Variants in CDH18 observed in about 807,000 individuals in gnomAD.
CDH18 encodes the protein cadherin-18.
In CDH18, 31 loss-of-function variants were observed where a neutral mutation model predicts 67.9. That is an observed-to-expected ratio of 0.46 (90% CI 0.34 to 0.62). The LOEUF is 0.62. CDH18 is among the 20% of genes least tolerant of loss of function. CDH18 has a pLI of 0.01. For synonymous variants in CDH18, 362 were observed against 347.2 expected (o/e 1.04, Z -0.48); for missense variants, 890 against 975.5 (o/e 0.91, Z 1.17).
chr5:20,117,972 G>A (rs1477658647), intron 2 of CDH18, among the ~76,000 whole-genome samples: 1 of 152,160 alleles, frequency 6.6e-6, no homozygotes, highest in African/African-American at 2.4e-5. Flanking sequence ...CTATCATAAG[G>A]CCACAGGAGG....
intron 5 of CDH18, among the ~76,000 whole-genome samples, chr5:19,654,161 T>G (rs550813387): frequency 6.6e-6 from 1 of 152,164 alleles, no homozygotes; most frequent in Non-Finnish European, 1.5e-5. Flanking sequence ...CGTACAGCCC[T>G]GTAACAGAGA....
intron 1 of CDH18, among the ~76,000 whole-genome samples, chr5:20,493,861 TC>T (rs1013106681): frequency 6.6e-6 from 1 of 152,000 alleles, no homozygotes; most frequent in Non-Finnish European, 1.5e-5. Flanking sequence ...TGGTGTTACA[TC>T]GGGTCTGACT....
At chr5:20,172,223 T>TATATATACATATATATATATATAC (rs1554098639) in intron 2 of CDH18, among the ~76,000 whole-genome samples, 1 of 43,924 alleles carries the variant, frequency 2.3e-5, no homozygotes, top group Non-Finnish European at 4.0e-5. Context: ...TATATATATA[T>TATATATACATATATATATATATAC]GTATATATAT....
chr5:20,095,392 GAAGAAAGAAAGAAAGA>G lies in CDH18; in HGVS notation c.-517-103394_-517-103379del, dbSNP rs746033336. Among the ~76,000 whole-genome samples, 233 of 64,200 alleles carry G rather than the reference GAAGAAAGAAAGAAAGA, an allele frequency of 3.6e-3. 2 individuals are homozygous for G. Among genetic ancestry groups the G allele is most frequent in the East Asian group, 0.012 (28 of 2,330 alleles). 42.1% of individuals were successfully genotyped at this position (64,200 alleles called of 152,430 possible). ...AGAAGAAAGAAAGAAAAGAGAAACA[GAAGAAAGAAAGAAAGA>G]AAGAAAGAAAGAAAGAAAGAAAGAA... On this transcript the variant is annotated intron_variant, in intron 2 of 14. Coordinates refer to the CDH18 transcript ENST00000507958.
chr5:20,131,594 T>A (rs1749269882), intron 2 of CDH18, among the ~76,000 whole-genome samples: 2 of 152,172 alleles, frequency 1.3e-5, no homozygotes, highest in Non-Finnish European at 1.5e-5. Context: ...TACATTTGTG[T>A]GTCTGTATGA....
chr5:19,527,981 TC>T (rs1748006731), intron 9 of CDH18, among the ~76,000 whole-genome samples: 1 of 151,904 alleles, frequency 6.6e-6, no homozygotes, highest in East Asian at 1.9e-4. Flanking sequence ...AACACTTTGT[TC>T]CGTTAACCAG....
chr5:19,578,425 C>T (rs1273782230), intron 7 of CDH18, among the ~76,000 whole-genome samples: 1 of 151,904 alleles, frequency 6.6e-6, no homozygotes, highest in Admixed American at 6.6e-5. Context: ...TAGCAACCTT[C>T]CCTCGAAATC....
intron 2 of CDH18, among the ~76,000 whole-genome samples, chr5:20,163,809 C>T (rs766732903): frequency 1.2e-4 from 19 of 152,276 alleles, no homozygotes; most frequent in Middle Eastern, 6.8e-3. Context: ...TACAACAACC[C>T]ATGAAACAAA....
chr5:20,343,514 T>C (rs1740441402), intron 1 of CDH18, among the ~76,000 whole-genome samples: 1 of 152,070 alleles, frequency 6.6e-6, no homozygotes, highest in African/African-American at 2.4e-5. Flanking sequence ...AGGGAGGACC[T>C]CAAAGAAACC....
In CDH18 at chr5:20,167,313, C is replaced by T. The variant is rs76598368; in HGVS notation, c.-518+88131G>A. 7.6e-3 allele frequency among the ~76,000 whole-genome samples: 1,157 copies of T among 152,186 alleles called. 69 individuals are homozygous for T. The East Asian group carries it at 0.16, about 21-fold the overall frequency. On this transcript the variant is annotated intron_variant, in intron 2 of 14. Transcript: ENST00000507958. Reference sequence around the variant, plus strand: ...AAATATATCACATATTTTAAATTCACAACCCCCAGGGTCTTCTTGTGGTTT... The same window carrying T: ...AAATATATCACATATTTTAAATTCATAACCCCCAGGGTCTTCTTGTGGTTT...
intron 2 of CDH18, among the ~76,000 whole-genome samples, chr5:19,911,856 T>C: frequency 6.6e-6 from 1 of 152,216 alleles, no homozygotes. Context: ...CAAAGTGTTA[T>C]TTTTAGATAA....
chr5:20,449,593 A>G (rs1360236404), intron 1 of CDH18, among the ~76,000 whole-genome samples: 2 of 152,060 alleles, frequency 1.3e-5, no homozygotes, highest in African/African-American at 2.4e-5. Flanking sequence ...ATTAAGAGAA[A>G]TATATTCAAA....
At position 19,534,139 on chromosome 5, in the gene CDH18, A is replaced by T. The variant is rs1749060922; in HGVS notation, c.1390+9730T>A. On this transcript the variant is annotated intron_variant, in intron 9 of 12. Transcript: ENST00000382275. ...CCTTATTGTGTAGAACCTAAAAGGT[A>T]TGAAAGGAGTTAACCATGAGCAATA... Among the ~76,000 whole-genome samples, 4 of 152,128 alleles carry T rather than the reference A, an allele frequency of 2.6e-5. No individual in the cohort carries two copies. In the South Asian group the frequency reaches 8.3e-4, roughly 31 times the overall value.
intron 1 of CDH18, among the ~76,000 whole-genome samples, chr5:20,499,317 C>T (rs1253763013): frequency 6.6e-6 from 1 of 151,970 alleles, no homozygotes; most frequent in Non-Finnish European, 1.5e-5. Flanking sequence ...AATGTAAATG[C>T]TATGGAAATA....
intron 5 of CDH18, among the ~76,000 whole-genome samples, chr5:19,654,032 T>C (rs1755964636): frequency 6.6e-6 from 1 of 152,200 alleles, no homozygotes; most frequent in South Asian, 2.1e-4. Flanking sequence ...GCCCATAATG[T>C]GTATAAATCT....
intron 3 of CDH18, among the ~76,000 whole-genome samples, chr5:19,815,829 T>G (rs1001042037): frequency 6.6e-6 from 1 of 151,960 alleles, no homozygotes; most frequent in Non-Finnish European, 1.5e-5. Flanking sequence ...TGGAACTTTT[T>G]CCTTACCCTC....
At chr5:19,813,830 G>A (rs1778999650) in intron 3 of CDH18, among the ~76,000 whole-genome samples, 1 of 151,938 alleles carries the variant, frequency 6.6e-6, no homozygotes, top group Non-Finnish European at 1.5e-5. Flanking sequence ...ACACTAATGT[G>A]CCAAAACAGA....
chr5:19,787,658 TAAAC>T (rs1775950564), intron 3 of CDH18, among the ~76,000 whole-genome samples: 1 of 151,150 alleles, frequency 6.6e-6, no homozygotes, highest in Non-Finnish European at 1.5e-5. Context: ...GAGACATAAA[TAAAC>T]AACTAAACAA....
rs182629961 is a variant in CDH18 at position 19,502,702 on chromosome 5, C to G, written c.1630+290G>C. ...TTCTACCTCCAAGCAGTGGCAGCAG[C>G]TCTCATAAACAAGTTTGTCAGCTAA... On this transcript the variant is annotated intron_variant, in intron 11 of 12. Coordinates refer to ENST00000382275, the MANE Select transcript of CDH18 (RefSeq NM_004934.5). The G allele has an allele frequency of 2.3e-5, 11 of 475,544 alleles. No individual in the cohort carries two copies. The East Asian group carries it at 2.9e-4, about 13-fold the overall frequency. The allele number at this position is 475,544 out of a possible 1,614,324, so 29.5% of individuals were successfully genotyped here.
Sources: gnomAD v4.1 joint callset for allele counts (sites outside exome capture counted in the v4.1 genomes callset) on GRCh38, gnomAD v4.1.1 for gene constraint, MANE v1.5 for transcripts, NCBI Gene and HGNC (gene_info 2026-07-23, HGNC 2026-07-21) for gene names.